Variants in DYRK1A observed in about 807,000 individuals in gnomAD.
DYRK1A encodes the protein dual specificity tyrosine phosphorylation regulated kinase 1A.
Under a neutral mutation model 79.7 loss-of-function variants are expected in DYRK1A, and 9 were observed. That is an observed-to-expected ratio of 0.11 (90% CI 0.07 to 0.20). The LOEUF is 0.20. Ranked by LOEUF, DYRK1A falls within the 10% of genes least tolerant of loss-of-function variation. The pLI is 1.00. For synonymous variants in DYRK1A, 349 were observed against 329.7 expected, an observed-to-expected ratio of 1.06 and a Z score of -0.63; for missense variants, 622 against 956.0, an observed-to-expected ratio of 0.65 and a Z score of 4.61.
intron 1 of DYRK1A, among the ~76,000 whole-genome samples, chr21:37,406,642 T>C (rs771891356): frequency 3.3e-5 from 5 of 151,920 alleles, no homozygotes; most frequent in Admixed American, 6.6e-5. Context: ...GCAGATGTTA[T>C]AGTGAGCTGA....
chr21:37,495,115 C>T (rs2053221763), intron 8 of DYRK1A, among the ~76,000 whole-genome samples: 1 of 148,766 alleles, frequency 6.7e-6, no homozygotes, highest in Non-Finnish European at 1.5e-5. Context: ...TAAAAAAGTA[C>T]TTTATTAGGT....
chr21:37,394,561 C>A (rs1602396314), intron 1 of DYRK1A, among the ~76,000 whole-genome samples: 1 of 152,134 alleles, frequency 6.6e-6, no homozygotes, highest in African/African-American at 2.4e-5. Context: ...TTTGGGCAAG[C>A]GATCATTTCT....
chr21:37,484,872 C>T (rs1178364078), intron 5 of DYRK1A, among the ~76,000 whole-genome samples: 1 of 152,172 alleles, frequency 6.6e-6, no homozygotes, highest in Non-Finnish European at 1.5e-5. Flanking sequence ...CTGATACTTC[C>T]CCTCTTGGGC....
intron 9 of DYRK1A, among the ~76,000 whole-genome samples, chr21:37,501,166 GTTTTTTTTTT>G (rs34646709): frequency 1.1e-5 from 1 of 93,978 alleles, no homozygotes; most frequent in Non-Finnish European, 2.1e-5. Context: ...GTTGTTGTTG[GTTTTTTTTTT>G]TTTTTTTTTT....
chr21:37,415,807 T>C (rs980923951), intron 1 of DYRK1A, among the ~76,000 whole-genome samples: 2 of 152,168 alleles, frequency 1.3e-5, no homozygotes, highest in East Asian at 1.9e-4. Flanking sequence ...CAATCTGTTA[T>C]ATGCTGGAAT....
At chr21:37,435,157 A>C (rs1315808242) in intron 2 of DYRK1A, among the ~76,000 whole-genome samples, 1 of 152,242 alleles carries the variant, frequency 6.6e-6, no homozygotes, top group African/African-American at 2.4e-5. Flanking sequence ...AATGTGACAA[A>C]GCTCAATTTC....
At chr21:37,505,717 C>A in intron 10 of DYRK1A, 128 bp downstream of exon 10, 1 of 1,036,048 alleles carries the variant, frequency 9.7e-7, no homozygotes, top group Non-Finnish European at 1.4e-6. Flanking sequence ...TAAATCTGTT[C>A]TTTGTAGTTA....
intron 6 of DYRK1A, among the ~76,000 whole-genome samples, chr21:37,489,526 A>G (rs556696173): frequency 2.0e-5 from 3 of 152,258 alleles, no homozygotes; most frequent in Admixed American, 1.3e-4. Context: ...CCAAACCTTC[A>G]GTCTCACACA....
chr21:37,387,217 TTTTA>T (rs1480490307), intron 1 of DYRK1A, among the ~76,000 whole-genome samples: 1 of 152,248 alleles, frequency 6.6e-6, no homozygotes, highest in Non-Finnish European at 1.5e-5. Flanking sequence ...TATTTGTTGA[TTTTA>T]TTTAAGGTCG....
intron 2 of DYRK1A, among the ~76,000 whole-genome samples, chr21:37,438,467 C>A (rs941075585): frequency 2.6e-5 from 4 of 152,034 alleles, no homozygotes; most frequent in African/African-American, 9.7e-5. Flanking sequence ...ATATTTAAGT[C>A]TGTGGTCCAT....
Position 37,506,389 on chromosome 21 carries a change from G to A in DYRK1A, c.1644+166G>A, listed in dbSNP as rs773814016. 5.9e-6 allele frequency: 9 copies of A among 1,527,116 alleles called. No homozygotes were observed. In the South Asian group the frequency reaches 9.9e-5, roughly 17 times the overall value. 94.6% of individuals were successfully genotyped at this position (1,527,116 alleles called of 1,614,324 possible). A position where few individuals can be genotyped will look rare whatever the true frequency, so the allele number is the denominator to read the frequency against. On this transcript the variant is annotated intron_variant, in intron 11 of 11. Transcript: ENST00000647188. ...TATCATAGAGAAGCACATTCTTGCAGTTTTCCTCCTCCTTGTCTAGAAGTG... is the reference window on the plus strand; with the variant it reads ...TATCATAGAGAAGCACATTCTTGCAATTTTCCTCCTCCTTGTCTAGAAGTG...
intron 9 of DYRK1A, among the ~76,000 whole-genome samples, chr21:37,500,401 A>G (rs531526540): frequency 9.2e-5 from 14 of 152,268 alleles, no homozygotes; most frequent in East Asian, 1.9e-4. Context: ...TTTTGTTTCT[A>G]TGTCATTAAT....
At chr21:37,494,148 TC>T (rs2053186545) in intron 8 of DYRK1A, among the ~76,000 whole-genome samples, 1 of 151,954 alleles carries the variant, frequency 6.6e-6, no homozygotes, top group Non-Finnish European at 1.5e-5. Flanking sequence ...CGTCTCAGCC[TC>T]CCAAAGTGCT....
intron 1 of DYRK1A, among the ~76,000 whole-genome samples, chr21:37,414,537 T>G (rs948654363): frequency 4.6e-5 from 7 of 152,174 alleles, no homozygotes; most frequent in African/African-American, 1.7e-4. Context: ...ACTGGGACTT[T>G]CGAGCTCAGT....
At chr21:37,403,156 A>G (rs950404574) in intron 1 of DYRK1A, among the ~76,000 whole-genome samples, 8 of 151,372 alleles carry the variant, frequency 5.3e-5, no homozygotes, top group African/African-American at 1.9e-4. Context: ...CATCTAGTAA[A>G]TTTTGCCCTT....
intron 1 of DYRK1A, among the ~76,000 whole-genome samples, chr21:37,380,297 A>T (rs2049630826): frequency 6.6e-6 from 1 of 152,192 alleles, no homozygotes; most frequent in South Asian, 2.1e-4. Context: ...TTCGTTATTG[A>T]GAGACATTGC....
chr21:37,427,908 A>C (rs552825565), intron 2 of DYRK1A, among the ~76,000 whole-genome samples: 2 of 152,092 alleles, frequency 1.3e-5, no homozygotes, highest in South Asian at 4.2e-4. Context: ...TCCTTTTATC[A>C]TTCTTTGTTG....
chr21:37,401,734 T>C (rs1438389744), intron 1 of DYRK1A, among the ~76,000 whole-genome samples: 2 of 152,012 alleles, frequency 1.3e-5, no homozygotes, highest in Non-Finnish European at 2.9e-5. Flanking sequence ...CCACCCACCT[T>C]AGCCTCCCAA....
intron 8 of DYRK1A, among the ~76,000 whole-genome samples, chr21:37,495,197 T>C (rs1308841260): frequency 1.6e-5 from 2 of 127,858 alleles, no homozygotes; most frequent in Non-Finnish European, 3.4e-5. Context: ...TGTGTGTGTG[T>C]GTGTGGTTAT....
Sources: allele counts gnomAD v4.1 joint callset (sites outside exome capture counted in the v4.1 genomes callset), GRCh38; gene constraint gnomAD v4.1.1; transcripts MANE v1.5; gene names NCBI Gene and HGNC (gene_info 2026-07-23, HGNC 2026-07-21).